Variants in SP140L observed in about 807,000 individuals in gnomAD.
The protein encoded by SP140L is nuclear body protein SP140-like protein.
SP140L carries 64 observed loss-of-function variants against 84.3 expected under a neutral mutation model. The observed-to-expected ratio is 0.76, with a 90% CI of 0.62 to 0.94. SP140L has a LOEUF of 0.94. Among genes scored for constraint, SP140L ranks in the 40% least tolerant of loss-of-function variants. The probability of loss-of-function intolerance (pLI) is 0.00; values close to 1 mark genes in which losing one functional copy is unlikely to be tolerated. For missense variants in SP140L, 628 were observed against 692.5 expected, an observed-to-expected ratio of 0.91 and a Z score of 1.05; for synonymous variants, 242 against 236.9, an observed-to-expected ratio of 1.02 and a Z score of -0.20.
chr2:230,367,185 GTTAT>G (rs2060906767), intron 5 of SP140L, among the ~76,000 whole-genome samples: 1 of 151,716 alleles, frequency 6.6e-6, no homozygotes, highest in Non-Finnish European at 1.5e-5. Flanking sequence ...ATATCTTATA[GTTAT>G]AATAGGCTGT....
chr2:230,401,221 A>C (rs1295173987), intron 16 of SP140L, 145 bp from the exon 17 acceptor site: 1 of 720,188 alleles, frequency 1.4e-6, no homozygotes, highest in East Asian at 2.7e-5. Flanking sequence ...CACAAAAAAT[A>C]ACTCAGCCAT....
At chr2:230,385,130 T>C in intron 8 of SP140L, 94 bp from the exon 9 acceptor site, 1 of 1,251,706 alleles carries the variant, frequency 8.0e-7, no homozygotes, top group Non-Finnish European at 1.1e-6. Flanking sequence ...GGATCCAGAG[T>C]GAAACCCAGG....
chr2:230,332,543 G>C (rs541629165), intron 2 of SP140L, among the ~76,000 whole-genome samples: 1 of 152,284 alleles, frequency 6.6e-6, no homozygotes, highest in South Asian at 2.1e-4. Flanking sequence ...ATCACAGTTT[G>C]AGGTTCATCA....
intron 7 of SP140L, among the ~76,000 whole-genome samples, chr2:230,382,434 G>A (rs2061441096): frequency 6.6e-6 from 1 of 152,096 alleles, no homozygotes; most frequent in Non-Finnish European, 1.5e-5. Flanking sequence ...TTAGATCTCT[G>A]GATTTTTGCT....
rs1450308571 is a variant in SP140L, at chr2:230,359,065, A to G, written c.372A>G (p.Ala124=). 1.2e-6 allele frequency: 2 copies of G among 1,613,868 alleles called. No individual in the cohort carries two copies. The highest frequency in any genetic ancestry group is 8.5e-7 in the Non-Finnish European group (1 of 1,179,932). ...CATTTAACCTGTCAGTTTTGGAAGC[A>G]CTGTTCAGCGAGGTCAACATGCAGG... is the stretch of plus-strand genomic sequence containing the variant. ...EKTFNLSVLE[A]LFSEVNMQEY... The change falls in exon 4 of 19, where the codon GCA becomes GCG. Residue 124 remains alanine, a synonymous_variant. Transcript: ENST00000415673.
rs555813271 is a variant in SP140L, at chr2:230,389,295, T to G, written c.860-624T>G. Reference sequence around the variant, plus strand: ...CTCCTGGAGTTTTTCTTTGAAAAACTTTCACACCTACTTCTGTAGTATCCG... The same window carrying G: ...CTCCTGGAGTTTTTCTTTGAAAAACGTTCACACCTACTTCTGTAGTATCCG... On this transcript the variant is annotated intron_variant, in intron 10 of 18. Coordinates refer to ENST00000415673, the MANE Select transcript of SP140L (RefSeq NM_138402.6). Among the ~76,000 whole-genome samples, 5 of 152,220 alleles carry G rather than the reference T, an allele frequency of 3.3e-5. No individual in the cohort carries two copies. In the East Asian group the frequency reaches 5.8e-4, roughly 18 times the overall value.
At chr2:230,383,172 G>A (rs1267011864) in intron 7 of SP140L, among the ~76,000 whole-genome samples, 1 of 152,160 alleles carries the variant, frequency 6.6e-6, no homozygotes. Flanking sequence ...TCCTCTCATT[G>A]CACATGTGAA....
chr2:230,327,329 C>T (rs780190455), intron 1 of SP140L, 28 bp downstream of exon 1: 2 of 1,604,288 alleles, frequency 1.2e-6, no homozygotes, highest in South Asian at 1.1e-5. Context: ...TTCCTTTCAC[C>T]TTTATCTCTG....
intron 2 of SP140L, among the ~76,000 whole-genome samples, chr2:230,352,258 C>G (rs1230278231): frequency 4.0e-5 from 6 of 151,858 alleles, no homozygotes; most frequent in Admixed American, 3.3e-4. Flanking sequence ...TGTATTAGTT[C>G]ATTCTCATAC....
intron 2 of SP140L, among the ~76,000 whole-genome samples, chr2:230,357,169 A>G (rs542887493): frequency 6.6e-6 from 1 of 152,244 alleles, no homozygotes; most frequent in Non-Finnish European, 1.5e-5. Flanking sequence ...GATTAACTGT[A>G]TATAGCAATA....
intron 5 of SP140L, among the ~76,000 whole-genome samples, chr2:230,363,686 A>G (rs1478838192): frequency 6.6e-6 from 1 of 151,616 alleles, no homozygotes; most frequent in Non-Finnish European, 1.5e-5. Context: ...ATGTAGTCTC[A>G]CTTCTTTATT....
intron 4 of SP140L, 133 bp from the exon 5 acceptor site, chr2:230,361,481 G>A: frequency 1.4e-6 from 1 of 693,916 alleles, no homozygotes; most frequent in South Asian, 1.6e-5. Context: ...CTCTGTCCCA[G>A]AAGATGATAG....
At chr2:230,383,641 G>A in intron 8 of SP140L, 66 bp downstream of exon 8, 1 of 1,496,234 alleles carries the variant, frequency 6.7e-7, no homozygotes, top group Middle Eastern at 2.3e-4. Context: ...TTGTATTCTG[G>A]AAGGCCTGCA....
chr2:230,331,984 A>T (rs1408191450), intron 2 of SP140L, among the ~76,000 whole-genome samples: 1 of 151,558 alleles, frequency 6.6e-6, no homozygotes, highest in African/African-American at 2.4e-5. Flanking sequence ...ATTAGGCAGG[A>T]TTGTCAGTGT....
chr2:230,354,918 A>AAG (rs2060494777), intron 2 of SP140L, among the ~76,000 whole-genome samples: 3 of 112,508 alleles, frequency 2.7e-5, no homozygotes, highest in East Asian at 5.8e-4. Flanking sequence ...GAAGAAAGAA[A>AAG]AAGAAAGAAA....
intron 5 of SP140L, among the ~76,000 whole-genome samples, chr2:230,365,535 T>C (rs2060840485): frequency 1.3e-5 from 2 of 152,198 alleles, no homozygotes; most frequent in Middle Eastern, 3.4e-3. Context: ...TCTTTTTTTT[T>C]AGTCTAGCTA....
rs139242964 is a variant in SP140L, at chr2:230,360,953, G to A, written c.440-661G>A. 2.5e-3 allele frequency among the ~76,000 whole-genome samples: 386 copies of A among 152,142 alleles called. 4 individuals carry two copies. The highest frequency in any genetic ancestry group is 2.9e-3 in the Non-Finnish European group (195 of 67,982). On this transcript the variant is annotated intron_variant, in intron 4 of 18. Transcript: ENST00000415673. ...GTTTTCTCTTTTAGTTTTTATTTAG[G>A]CATGTTTTTGGAGATAGGGTCTCAC...
chr2:230,335,559 T>A (rs1409475989), intron 2 of SP140L, among the ~76,000 whole-genome samples: 1 of 152,216 alleles, frequency 6.6e-6, no homozygotes, highest in Non-Finnish European at 1.5e-5. Context: ...GGTTAGAAAA[T>A]GTGTTTTTTA....
At position 230,388,787 on chromosome 2, in the gene SP140L, T is replaced by A; in HGVS notation, c.859+154T>A. On this transcript the variant is annotated intron_variant, in intron 10 of 18. Transcript: ENST00000415673. ...TATCTTATTAAGTCATTTTCCAAAA[T>A]GTATCAAGGAAAGAAGGAAGTAAGT... is the stretch of plus-strand genomic sequence containing the variant. 9.4e-6 allele frequency: 7 copies of A among 748,108 alleles called. No homozygotes were observed. In the South Asian group the frequency reaches 1.6e-4, roughly 17 times the overall value. 46.3% of individuals were successfully genotyped at this position (748,108 alleles called of 1,614,324 possible). A position where few individuals can be genotyped will look rare whatever the true frequency, so the allele number is the denominator to read the frequency against.
Sources: gnomAD v4.1 joint callset for allele counts (sites outside exome capture counted in the v4.1 genomes callset) on GRCh38, gnomAD v4.1.1 for gene constraint, MANE v1.5 for transcripts, NCBI Gene and HGNC (gene_info 2026-07-23, HGNC 2026-07-21) for gene names.